Variants in DRAXIN observed in about 807,000 individuals in gnomAD.
DRAXIN encodes dorsal inhibitory axon guidance protein.
DRAXIN carries 27 observed loss-of-function variants against 33.9 expected under a neutral mutation model. The observed-to-expected ratio is 0.80, with a 90% CI of 0.59 to 1.10. DRAXIN has a LOEUF of 1.10. DRAXIN is among the 50% of genes least tolerant of loss of function. The pLI is 0.00. For missense variants in DRAXIN, 371 were observed against 460.8 expected (o/e 0.81, Z 1.78); for synonymous variants, 178 against 194.0 (o/e 0.92, Z 0.69).
Position 11,724,713 on chromosome 1 carries a change from G to A in DRAXIN, c.*5017G>A, listed in dbSNP as rs1309395747. ...GCATACCTGAAACCTGCAAGGAACCGGTTTATAAAACAACAGAACAGCCAG... is the reference window on the plus strand; with the variant it reads ...GCATACCTGAAACCTGCAAGGAACCAGTTTATAAAACAACAGAACAGCCAG... On this transcript the variant is annotated 3_prime_UTR_variant, in exon 7 of 7. Transcript: ENST00000294485. 1.3e-5 allele frequency: 2 copies of A among 152,304 alleles called. No individual in the cohort carries two copies. Among genetic ancestry groups the A allele is most frequent in the East Asian group, 1.9e-4 (1 of 5,190 alleles). The allele number at this position is 152,304 out of a possible 1,614,324, so 9.4% of individuals were successfully genotyped here.
intron 3 of DRAXIN, among the ~76,000 whole-genome samples, chr1:11,710,711 G>A (rs2878595): frequency 0.15 from 22,460 of 145,094 alleles, 1,820 homozygotes; most frequent in African/African-American, 0.22. Context: ...TCAGGAAATC[G>A]AGACCATCCT....
upstream of DRAXIN, among the ~76,000 whole-genome samples, chr1:11,687,494 C>A (rs1640980071): frequency 6.6e-6 from 1 of 152,232 alleles, no homozygotes; most frequent in Admixed American, 6.5e-5. This position sits in a 1 kb window ranked among gnomAD's most constrained non-coding sequence, Gnocchi z 4.1. Context: ...CCTACCTTGG[C>A]CTCCCAAAGT....
At chr1:11,709,920 C>T (rs1336515842) in intron 3 of DRAXIN, among the ~76,000 whole-genome samples, 1 of 152,224 alleles carries the variant, frequency 6.6e-6, no homozygotes, top group Admixed American at 6.5e-5. Context: ...GGCGCGGTGG[C>T]TCATGCCTGT....
intron 2 of DRAXIN, among the ~76,000 whole-genome samples, chr1:11,708,957 T>C (rs1641432554): frequency 6.6e-6 from 1 of 152,242 alleles, no homozygotes; most frequent in South Asian, 2.1e-4. Flanking sequence ...TTAATCCTAC[T>C]AGTTCCTATT....
chr1:11,706,433 C>A lies in DRAXIN; in HGVS notation c.175C>A (p.Arg59=), dbSNP rs769534994. The change falls in exon 2 of 7, where the codon CGG becomes AGG. Residue 59 remains arginine (R), a synonymous_variant. Transcript: ENST00000294485. The surrounding 1 kb of genome is among the most constrained non-coding windows in gnomAD (Gnocchi z 5.5). ...GACGCCTCAGGCCAGCCACCACCGC[C>A]GGCGGGGCCCGGGCAAGAAGGAGTG... ...LWTPQASHHR[R]RGPGKKEWGP... is the part of the protein sequence containing the mutation. 1 of 1,611,614 alleles carries A rather than the reference C, an allele frequency of 6.2e-7. No individual in the cohort carries two copies. The highest frequency in any genetic ancestry group is 8.5e-7 in the Non-Finnish European group (1 of 1,179,378).
Position 11,694,297 on chromosome 1 carries a change from G to C in DRAXIN, c.-11+2444G>C, listed in dbSNP as rs981436313. On this transcript the variant is annotated intron_variant, in intron 1 of 6. Coordinates refer to ENST00000294485, the MANE Select transcript of DRAXIN (RefSeq NM_198545.4). This position sits in a 1 kb window ranked among gnomAD's most constrained non-coding sequence, Gnocchi z 4.9. ...AATGAACTGAAAACTGCAAGCCCCAGTGTCTTGCTGAGTTCTGCTGGGTCC... is the reference window on the plus strand; with the variant it reads ...AATGAACTGAAAACTGCAAGCCCCACTGTCTTGCTGAGTTCTGCTGGGTCC... 6.6e-6 allele frequency among the ~76,000 whole-genome samples: 1 copy of C among 152,150 alleles called. No homozygotes were observed. Among genetic ancestry groups the C allele is most frequent in the Admixed American group, 6.5e-5 (1 of 15,276 alleles).
intron 1 of DRAXIN, among the ~76,000 whole-genome samples, chr1:11,695,609 A>ATAT (rs1553169482): frequency 7.8e-5 from 8 of 102,476 alleles, no homozygotes; most frequent in South Asian, 3.1e-4. Flanking sequence ...CTCAAAAAAA[A>ATAT]AAATATATAT....
intron 5 of DRAXIN, among the ~76,000 whole-genome samples, chr1:11,713,981 G>A (rs918683420): frequency 1.2e-4 from 19 of 152,062 alleles, no homozygotes; most frequent in Non-Finnish European, 2.6e-4. Flanking sequence ...GCAGTGACCC[G>A]AGATCGCACG....
chr1:11,718,039 C>T (rs1162811040), intron 6 of DRAXIN, among the ~76,000 whole-genome samples: 3 of 146,772 alleles, frequency 2.0e-5, no homozygotes, highest in Non-Finnish European at 4.5e-5. Flanking sequence ...CACGGTGGCT[C>T]ATGCCTGTAA....
Position 11,719,879 on chromosome 1 carries a change from G to A in DRAXIN, c.*183G>A. On this transcript the variant is annotated 3_prime_UTR_variant, in exon 7 of 7. Transcript: ENST00000294485. The stretch of plus-strand genomic sequence containing the variant: ...GAGCTGGGTGGGTGCCCAGGAGCCG[G>A]CCCGCAGCACCTGCACACACGAAGT... 1 of 600,232 alleles carries A rather than the reference G, an allele frequency of 1.7e-6. No homozygotes were observed. Among genetic ancestry groups the A allele is most frequent in the Non-Finnish European group, 3.0e-6 (1 of 333,638 alleles). 37.2% of individuals were successfully genotyped at this position (600,232 alleles called of 1,614,324 possible).
At position 11,711,751 on chromosome 1, in the gene DRAXIN, C is replaced by T; in HGVS notation, c.643-100C>T. On this transcript the variant is annotated intron_variant, in intron 3 of 6. Transcript: ENST00000294485. Reference sequence around the variant, plus strand: ...GGCTGCCCAGCAGAGGATAAGGTGGCCTCTGAGAAGCCTCTTTTTTGTCCT... The same window carrying T: ...GGCTGCCCAGCAGAGGATAAGGTGGTCTCTGAGAAGCCTCTTTTTTGTCCT... 4.5e-6 allele frequency: 5 copies of T among 1,103,154 alleles called. No individual in the cohort carries two copies. The South Asian group carries it at 7.0e-5, about 15-fold the overall frequency. The allele number at this position is 1,103,154 out of a possible 1,614,324, so 68.3% of individuals were successfully genotyped here.
intron 1 of DRAXIN, among the ~76,000 whole-genome samples, chr1:11,698,308 C>A (rs1360260673): frequency 6.6e-6 from 1 of 152,130 alleles, no homozygotes; most frequent in East Asian, 1.9e-4. Flanking sequence ...TTTGACTGAA[C>A]AAGAAAATTA....
chr1:11,702,128 C>T (rs1641297300), intron 1 of DRAXIN, among the ~76,000 whole-genome samples: 1 of 151,754 alleles, frequency 6.6e-6, no homozygotes, highest in Non-Finnish European at 1.5e-5. Context: ...CACATGCTCA[C>T]ACTCATACGT....
chr1:11,687,204 T>C (rs969168903), upstream of DRAXIN, among the ~76,000 whole-genome samples: 2 of 152,178 alleles, frequency 1.3e-5, no homozygotes, highest in South Asian at 2.1e-4. The surrounding 1 kb of genome is among the most constrained non-coding windows in gnomAD (Gnocchi z 4.1). Context: ...TAGCTGGGGC[T>C]ACAGGTGTGC....
Position 11,712,082 on chromosome 1 carries a change from G to A in DRAXIN, c.757+117G>A, listed in dbSNP as rs769354626. 23 of 1,037,956 alleles carry A rather than the reference G, an allele frequency of 2.2e-5. No individual in the cohort carries two copies. The Middle Eastern group carries it at 6.1e-4, about 27-fold the overall frequency. The allele number at this position is 1,037,956 out of a possible 1,614,324, so 64.3% of individuals were successfully genotyped here. A position where few individuals can be genotyped will look rare whatever the true frequency, so the allele number is the denominator to read the frequency against. On this transcript the variant is annotated intron_variant, in intron 4 of 6. Coordinates refer to ENST00000294485, the MANE Select transcript of DRAXIN (RefSeq NM_198545.4). ...ATCTTCAGATGTCCAAAGGTGGGAT[G>A]TGGGGAGAGGGGGAGCATGGAGCCT...
At chr1:11,708,158 A>G (rs1471409258) in intron 2 of DRAXIN, among the ~76,000 whole-genome samples, 1 of 152,212 alleles carries the variant, frequency 6.6e-6, no homozygotes, top group Non-Finnish European at 1.5e-5. Context: ...GAGGACAGCT[A>G]GAGGGCACGC....
intron 1 of DRAXIN, among the ~76,000 whole-genome samples, chr1:11,702,245 T>TCA (rs932585183): frequency 1.4e-5 from 2 of 142,458 alleles, no homozygotes; most frequent in East Asian, 4.2e-4. Context: ...ATACACGCTC[T>TCA]CACACACACA....
intron 6 of DRAXIN, among the ~76,000 whole-genome samples, 157 bp from the exon 7 acceptor site, chr1:11,719,427 T>C (rs1465338541): frequency 6.6e-6 from 1 of 152,182 alleles, no homozygotes; most frequent in African/African-American, 2.4e-5. Context: ...TCCGGGTTCG[T>C]GTCTTTTAAG....
chr1:11,718,193 G>A (rs1641609760), intron 6 of DRAXIN, among the ~76,000 whole-genome samples: 1 of 149,252 alleles, frequency 6.7e-6, no homozygotes, highest in Non-Finnish European at 1.5e-5. Flanking sequence ...GCGCATGCCT[G>A]TAATCCCAGC....
Sources: gnomAD v4.1 joint callset for allele counts (sites outside exome capture counted in the v4.1 genomes callset) on GRCh38, gnomAD v4.1.1 for gene constraint, Gnocchi (gnomAD v3.1) non-coding constraint, MANE v1.5 for transcripts, NCBI Gene and HGNC (gene_info 2026-07-23, HGNC 2026-07-21) for gene names.